Variants in NAALADL2 observed in about 807,000 individuals in gnomAD.
NAALADL2 encodes the protein N-acetylated alpha-linked acidic dipeptidase like 2.
In NAALADL2, 76 loss-of-function variants were observed where a neutral mutation model predicts 87.2. That is an observed-to-expected ratio of 0.87 (90% CI 0.72 to 1.05). The LOEUF (loss-of-function observed/expected upper bound fraction) is 1.05. Ranked by LOEUF, NAALADL2 falls within the 50% of genes least tolerant of loss-of-function variation. The pLI is 0.00. For synonymous variants in NAALADL2, 354 were observed against 331.0 expected (o/e 1.07, Z -0.75); for missense variants, 1,089 against 945.8 (o/e 1.15, Z -1.99).
intron 1 of NAALADL2, among the ~76,000 whole-genome samples, chr3:174,905,973 C>T (rs953950700): frequency 1.3e-5 from 2 of 151,960 alleles, no homozygotes; most frequent in African/African-American, 4.8e-5. Context: ...TTTTGAAAAA[C>T]ACTGATACAT....
chr3:174,775,815 C>G (rs890221886), intron 3 of NAALADL2, among the ~76,000 whole-genome samples: 1 of 152,066 alleles, frequency 6.6e-6, no homozygotes, highest in Non-Finnish European at 1.5e-5. Flanking sequence ...TGAGGCAGAA[C>G]CAGATAAAGT....
chr3:175,525,483 CACATTTAACG>C (rs1233216549), intron 9 of NAALADL2, among the ~76,000 whole-genome samples: 2 of 152,122 alleles, frequency 1.3e-5, no homozygotes, highest in Non-Finnish European at 2.9e-5. Context: ...TTAATGAGTA[CACATTTAACG>C]ATCAAAGCAT....
At chr3:175,434,604 T>A (rs1477784182) in intron 5 of NAALADL2, among the ~76,000 whole-genome samples, 1 of 152,098 alleles carries the variant, frequency 6.6e-6, no homozygotes, top group Non-Finnish European at 1.5e-5. Flanking sequence ...GCTTATGATC[T>A]GGTATGAAGA....
In NAALADL2 at chr3:174,581,012, T is replaced by C. The variant is rs564397390; in HGVS notation, c.-115+30375T>C. 2.0e-5 allele frequency among the ~76,000 whole-genome samples: 3 copies of C among 152,336 alleles called. No homozygotes were observed. The South Asian group carries it at 6.2e-4, about 32-fold the overall frequency. On this transcript the variant is annotated intron_variant, in intron 2 of 3. Coordinates refer to the NAALADL2 transcript ENST00000434257. ...TCTCACCAACACTTGTTATGGTTAGTGTTTTTAATTTTGGCTATTATAGTA... is the reference window on the plus strand; with the variant it reads ...TCTCACCAACACTTGTTATGGTTAGCGTTTTTAATTTTGGCTATTATAGTA...
intron 3 of NAALADL2, among the ~76,000 whole-genome samples, chr3:174,802,815 C>T (rs946932229): frequency 6.6e-6 from 1 of 152,090 alleles, no homozygotes; most frequent in African/African-American, 2.4e-5. Flanking sequence ...CACAAACTCA[C>T]CCTTTTTTAT....
intron 8 of NAALADL2, among the ~76,000 whole-genome samples, chr3:175,470,389 G>A (rs953377605): frequency 6.6e-6 from 1 of 151,930 alleles, no homozygotes; most frequent in African/African-American, 2.4e-5. Flanking sequence ...TATTTGGGGT[G>A]ATGAATATGT....
intron 1 of NAALADL2, among the ~76,000 whole-genome samples, chr3:175,050,395 G>A (rs1755220601): frequency 6.6e-6 from 1 of 152,108 alleles, no homozygotes; most frequent in Admixed American, 6.6e-5. Context: ...CCGAGTAGCT[G>A]GGATCACAGG....
chr3:175,551,009 T>C (rs988159376), intron 9 of NAALADL2, among the ~76,000 whole-genome samples: 6 of 152,152 alleles, frequency 3.9e-5, no homozygotes, highest in Non-Finnish European at 7.3e-5. Context: ...ATTATGGAAT[T>C]TGTCTGAAAA....
At chr3:175,302,295 G>C (rs944158097) in intron 4 of NAALADL2, among the ~76,000 whole-genome samples, 3 of 152,030 alleles carry the variant, frequency 2.0e-5, no homozygotes, top group African/African-American at 7.2e-5. Context: ...ATAAATCCAC[G>C]GCAAACATTT....
chr3:174,798,786 T>C (rs1042923403), intron 3 of NAALADL2, among the ~76,000 whole-genome samples: 1 of 152,228 alleles, frequency 6.6e-6, no homozygotes, highest in Non-Finnish European at 1.5e-5. Flanking sequence ...GCTACCTTGC[T>C]GAATTCATTT....
intron 1 of NAALADL2, among the ~76,000 whole-genome samples, chr3:174,943,002 G>T (rs931064146): frequency 1.3e-5 from 2 of 152,050 alleles, no homozygotes; most frequent in Non-Finnish European, 2.9e-5. Flanking sequence ...AATGATCTTT[G>T]TTTCTATACG....
At chr3:174,510,392 A>G (rs920733032) in intron 1 of NAALADL2, among the ~76,000 whole-genome samples, 1 of 152,018 alleles carries the variant, frequency 6.6e-6, no homozygotes, top group African/African-American at 2.4e-5. Flanking sequence ...TGTTTTGAGA[A>G]GGTTTTTAAA....
At chr3:174,568,821 A>T (rs1321446148) in intron 2 of NAALADL2, among the ~76,000 whole-genome samples, 3 of 151,322 alleles carry the variant, frequency 2.0e-5, no homozygotes. Flanking sequence ...CATTATTATT[A>T]TTATTCTTTT....
At chr3:175,368,456 G>A (rs1021022834) in intron 5 of NAALADL2, among the ~76,000 whole-genome samples, 2 of 151,982 alleles carry the variant, frequency 1.3e-5, no homozygotes, top group Non-Finnish European at 2.9e-5. Context: ...TGTACCTCTG[G>A]TAGAATTCGG....
intron 9 of NAALADL2, among the ~76,000 whole-genome samples, chr3:175,557,126 A>G (rs762172754): frequency 1.3e-5 from 2 of 152,246 alleles, no homozygotes; most frequent in Non-Finnish European, 2.9e-5. Flanking sequence ...GACCTTCGAT[A>G]TATTTCTCAA....
At chr3:175,789,316 C>A (rs761868758) in intron 13 of NAALADL2, among the ~76,000 whole-genome samples, 1 of 151,958 alleles carries the variant, frequency 6.6e-6, no homozygotes, top group Non-Finnish European at 1.5e-5. Flanking sequence ...AGAGTTTCTG[C>A]GACTTTATTT....
intron 2 of NAALADL2, among the ~76,000 whole-genome samples, chr3:174,599,639 T>G (rs901621148): frequency 6.6e-6 from 1 of 152,154 alleles, no homozygotes; most frequent in Non-Finnish European, 1.5e-5. Context: ...TGGGGAAATA[T>G]AAATTTTACT....
chr3:175,618,828 G>C (rs1232672443), intron 10 of NAALADL2, among the ~76,000 whole-genome samples: 4 of 152,146 alleles, frequency 2.6e-5, no homozygotes, highest in Admixed American at 6.5e-5. Context: ...CCTACACCGT[G>C]CCCTGGCTTT....
rs1349146377 is a variant in NAALADL2 at position 175,028,989 on chromosome 3, G to A, written c.44-67801G>A. 2.7e-5 allele frequency among the ~76,000 whole-genome samples: 4 copies of A among 149,982 alleles called. No individual in the cohort carries two copies. The East Asian group carries it at 7.8e-4, about 29-fold the overall frequency. ...GTGTTGTAGATTTATTTAATAATTA[G>A]ATGAATATTATGCAGTCTCTCCATG... On this transcript the variant is annotated intron_variant, in intron 1 of 13. Coordinates refer to ENST00000454872, the MANE Select transcript of NAALADL2 (RefSeq NM_207015.3).
Sources: gnomAD v4.1 joint callset for allele counts (sites outside exome capture counted in the v4.1 genomes callset) on GRCh38, gnomAD v4.1.1 for gene constraint, MANE v1.5 for transcripts, NCBI Gene and HGNC (gene_info 2026-07-23, HGNC 2026-07-21) for gene names.